TNRC6A: variants seen among roughly 807,000 people sequenced by gnomAD.
The protein encoded by TNRC6A is trinucleotide repeat containing adaptor 6A.
TNRC6A carries 44 observed loss-of-function variants against 221.2 expected under a neutral mutation model. The ratio of observed to expected loss-of-function variants is 0.20; its 90% CI spans 0.16 to 0.26. The LOEUF (loss-of-function observed/expected upper bound fraction) is 0.26. Among genes scored for constraint, TNRC6A ranks in the 10% least tolerant of loss-of-function variants. The probability of loss-of-function intolerance (pLI) is 1.00; values close to 1 mark genes in which losing one functional copy is unlikely to be tolerated. For missense variants in TNRC6A, 2,199 were observed against 2,404.4 expected (o/e 0.91, Z 1.79); for synonymous variants, 847 against 838.5 (o/e 1.01, Z -0.18).
chr16:24,810,383 C>T (rs762729400), intron 18 of TNRC6A, among the ~76,000 whole-genome samples: 20 of 152,058 alleles, frequency 1.3e-4, no homozygotes, highest in Non-Finnish European at 2.2e-4. Flanking sequence ...TATGTATATA[C>T]GTAAAATTAC....
At chr16:24,793,919 A>G (rs1030833292) in intron 7 of TNRC6A, among the ~76,000 whole-genome samples, 3 of 152,204 alleles carry the variant, frequency 2.0e-5, no homozygotes, top group Non-Finnish European at 2.9e-5. Flanking sequence ...AAATTAGGTT[A>G]TCTAGGAAGA....
chr16:24,716,417 C>T (rs2056313648), intron 2 of TNRC6A, among the ~76,000 whole-genome samples: 1 of 152,130 alleles, frequency 6.6e-6, no homozygotes, highest in Non-Finnish European at 1.5e-5. Flanking sequence ...GCCTGGAATC[C>T]CAGCACTTTG....
intron 4 of TNRC6A, among the ~76,000 whole-genome samples, chr16:24,763,475 A>G (rs2057406411): frequency 6.6e-6 from 1 of 152,210 alleles, no homozygotes; most frequent in Non-Finnish European, 1.5e-5. Flanking sequence ...TCCCCTTCTC[A>G]TTAATAAACA....
chr16:24,639,432 G>T (rs966299592), intron 1 of TNRC6A, among the ~76,000 whole-genome samples: 1 of 152,126 alleles, frequency 6.6e-6, no homozygotes. Context: ...GTTGGAGGCT[G>T]CAGTGAGCTA....
Position 24,820,138 on chromosome 16 carries a change from G to A in TNRC6A, c.5081-1G>A. 6.2e-7 allele frequency: 1 copy of A among 1,613,582 alleles called. No individual in the cohort carries two copies. Among genetic ancestry groups the A allele is most frequent in the Non-Finnish European group, 8.5e-7 (1 of 1,179,684 alleles). On this transcript the variant is annotated splice_acceptor_variant, in intron 21 of 24. Transcript: ENST00000395799. LOFTEE classifies it high-confidence loss of function. ...TCTCCATTTTTTCCCCCTTTGAGTA[G>A]CCAGAAATAGTGATTCCAAATTGAC...
intron 1 of TNRC6A, among the ~76,000 whole-genome samples, chr16:24,631,980 T>C (rs1242147971): frequency 6.6e-6 from 1 of 151,770 alleles, no homozygotes. Flanking sequence ...TATCTCAGCC[T>C]CCTGAGTAGC....
chr16:24,726,427 C>T (rs2056493593), upstream of TNRC6A, among the ~76,000 whole-genome samples: 1 of 150,590 alleles, frequency 6.6e-6, no homozygotes, highest in Non-Finnish European at 1.5e-5. Context: ...TCAGGATGGC[C>T]TAGCAAAGAG....
In TNRC6A at chr16:24,790,804, C is replaced by G; in HGVS notation, c.2162C>G (p.Ser721Cys). ...TTAGATCCACGTGTCCTGTCCAACT[C>G]TGGTTGGGGACAGACTCCTATTAAG... ...TDLDPRVLSN[S>C]GWGQTPIKQN... Residue 721 changes from serine (S) to cysteine (C), a missense_variant, in exon 6 of 25, where the codon TCT (serine) becomes TGT (cysteine). Ser to Cys is a moderately radical substitution (Grantham distance 112, BLOSUM62 -1). Coordinates refer to ENST00000395799, the MANE Select transcript of TNRC6A (RefSeq NM_014494.4). The G allele has an allele frequency of 1.2e-6, 2 of 1,614,106 alleles. No homozygotes were observed. Among genetic ancestry groups the G allele is most frequent in the Non-Finnish European group, 1.7e-6 (2 of 1,180,032 alleles).
intron 2 of TNRC6A, among the ~76,000 whole-genome samples, chr16:24,653,008 G>C (rs1174051560): frequency 6.6e-6 from 1 of 152,172 alleles, no homozygotes; most frequent in Admixed American, 6.6e-5. Context: ...CTTCTTGGGA[G>C]CATTTGCTTC....
At chr16:24,819,198 C>A (rs1037638677) in intron 21 of TNRC6A, among the ~76,000 whole-genome samples, 1 of 152,134 alleles carries the variant, frequency 6.6e-6, no homozygotes, top group African/African-American at 2.4e-5. Flanking sequence ...GTGGTGGTCT[C>A]CTGGCCATAC....
intron 4 of TNRC6A, among the ~76,000 whole-genome samples, chr16:24,769,535 A>G (rs2057546371): frequency 6.6e-6 from 1 of 151,890 alleles, no homozygotes; most frequent in Non-Finnish European, 1.5e-5. Flanking sequence ...TCCTAGCTAA[A>G]TGTAACTCTT....
chr16:24,708,405 T>C (rs1437968878), intron 2 of TNRC6A, among the ~76,000 whole-genome samples: 1 of 152,030 alleles, frequency 6.6e-6, no homozygotes, highest in Non-Finnish European at 1.5e-5. Context: ...CACGCCCGGC[T>C]AATTTTTTTG....
rs372942431 is a variant in TNRC6A, at chr16:24,797,902, T to A, written c.3643-13T>A. The A allele has an allele frequency of 2.5e-6, 4 of 1,601,380 alleles. No individual in the cohort carries two copies. In the African/African-American group the frequency reaches 5.4e-5, roughly 21 times the overall value. Reference sequence around the variant, plus strand: ...ATTAAGGTCTGCTAACATGCTGCATTTTCTTTCTTCAGAGAGACTCACCAG... The same window carrying A: ...ATTAAGGTCTGCTAACATGCTGCATATTCTTTCTTCAGAGAGACTCACCAG... On this transcript the variant is annotated splice_polypyrimidine_tract_variant and intron_variant, in intron 10 of 24. Coordinates refer to ENST00000395799, the MANE Select transcript of TNRC6A (RefSeq NM_014494.4).
At chr16:24,728,926 TAC>T (rs2056541234), upstream of TNRC6A, among the ~76,000 whole-genome samples, 2 of 152,176 alleles carry the variant, frequency 1.3e-5, no homozygotes, top group South Asian at 4.1e-4. Flanking sequence ...ACATCATTTT[TAC>T]AGTGTCCTAA....
At chr16:24,758,389 C>G in intron 4 of TNRC6A, 29 bp downstream of exon 4, 1 of 1,606,734 alleles carries the variant, frequency 6.2e-7, no homozygotes. Flanking sequence ...TTTTTTATCC[C>G]TTTTTTCATT....
intron 2 of TNRC6A, among the ~76,000 whole-genome samples, chr16:24,715,384 T>C (rs2056293231): frequency 6.6e-6 from 1 of 151,916 alleles, no homozygotes; most frequent in Non-Finnish European, 1.5e-5. Flanking sequence ...CAGAAATTCC[T>C]TTTAAGCCTT....
chr16:24,715,166 G>A (rs1005353608), intron 2 of TNRC6A, among the ~76,000 whole-genome samples: 1 of 152,158 alleles, frequency 6.6e-6, no homozygotes. Flanking sequence ...ATGTTCTACA[G>A]ATTTGTTCTG....
chr16:24,644,081 ATTTTTTTTT>A (rs748251760), intron 2 of TNRC6A, among the ~76,000 whole-genome samples: 2 of 81,560 alleles, frequency 2.5e-5, no homozygotes, highest in Admixed American at 1.8e-4. Flanking sequence ...CTTATCTTTA[ATTTTTTTTT>A]TTTTTTTTTT....
intron 1 of TNRC6A, among the ~76,000 whole-genome samples, chr16:24,615,296 G>A (rs944137348): frequency 5.3e-5 from 8 of 152,096 alleles, no homozygotes; most frequent in African/African-American, 1.9e-4. Context: ...GGGGGAGAGG[G>A]CAGGAAGATG....
Sources: allele counts gnomAD v4.1 joint callset (sites outside exome capture counted in the v4.1 genomes callset), GRCh38; gene constraint gnomAD v4.1.1; transcripts MANE v1.5; gene names NCBI Gene and HGNC (gene_info 2026-07-23, HGNC 2026-07-21).